The following RHOJ variants were observed in gnomAD, a reference collection of about 807,000 sequenced individuals.
RHOJ encodes rho-related GTP-binding protein RhoJ.
RHOJ carries 11 observed loss-of-function variants against 23.4 expected under a neutral mutation model. The ratio of observed to expected loss-of-function variants is 0.47; its 90% CI spans 0.30 to 0.78. The LOEUF (loss-of-function observed/expected upper bound fraction) is 0.78, where lower values mean the gene tolerates loss of function less well. RHOJ is among the 30% of genes least tolerant of loss of function. RHOJ has a pLI of 0.08. For synonymous variants in RHOJ, 102 were observed against 102.7 expected, an observed-to-expected ratio of 0.99 and a Z score of 0.04; for missense variants, 254 against 273.4, an observed-to-expected ratio of 0.93 and a Z score of 0.50.
Position 63,259,814 on chromosome 14 carries a change from G to A in RHOJ, c.179-9296G>A, listed in dbSNP as rs145339036. 2.3e-3 allele frequency among the ~76,000 whole-genome samples: 353 copies of A among 152,064 alleles called. 2 individuals are homozygous for A. Among genetic ancestry groups the A allele is most frequent in the East Asian group, 6.2e-3 (32 of 5,186 alleles). ...TTTATTTGAAAAGAACCTATGTTTCGTTACCTAAAAAGAACCCATATTCTG... is the reference window on the plus strand; with the variant it reads ...TTTATTTGAAAAGAACCTATGTTTCATTACCTAAAAAGAACCCATATTCTG... On this transcript the variant is annotated intron_variant, in intron 1 of 4. Coordinates refer to ENST00000316754, the MANE Select transcript of RHOJ (RefSeq NM_020663.5).
chr14:63,269,101 C>T lies in RHOJ; in HGVS notation c.179-9C>T. 1 of 1,606,602 alleles carries T rather than the reference C, an allele frequency of 6.2e-7. No homozygotes were observed. ...CTCTCCTCTTCTTTTCTTTTCTCTT[C>T]TCCCCTAGTTACTGTGACTGTGGGA... On this transcript the variant is annotated splice_polypyrimidine_tract_variant and intron_variant, in intron 1 of 4. Coordinates refer to ENST00000316754, the MANE Select transcript of RHOJ (RefSeq NM_020663.5).
At chr14:63,261,588 T>C (rs942629975) in intron 1 of RHOJ, among the ~76,000 whole-genome samples, 1 of 149,656 alleles carries the variant, frequency 6.7e-6, no homozygotes, top group African/African-American at 2.5e-5. Flanking sequence ...CACACCACCA[T>C]GCCCAGCTAA....
At chr14:63,272,141 G>A (rs1031102336) in intron 2 of RHOJ, among the ~76,000 whole-genome samples, 1 of 152,224 alleles carries the variant, frequency 6.6e-6, no homozygotes, top group East Asian at 1.9e-4. Context: ...CTGAGGCATT[G>A]TTCTGAAAGT....
At chr14:63,260,723 G>A (rs768031460) in intron 1 of RHOJ, among the ~76,000 whole-genome samples, 5 of 152,058 alleles carry the variant, frequency 3.3e-5, no homozygotes, top group African/African-American at 4.8e-5. Context: ...AGGCTGCTCC[G>A]TAACTGTTAA....
chr14:63,242,967 G>A (rs1406499861), intron 1 of RHOJ, among the ~76,000 whole-genome samples: 4 of 152,144 alleles, frequency 2.6e-5, no homozygotes, highest in Admixed American at 6.5e-5. Context: ...AATATGTTGT[G>A]TCATCCACAT....
At chr14:63,241,149 G>A (rs1479780730) in intron 1 of RHOJ, among the ~76,000 whole-genome samples, 1 of 152,232 alleles carries the variant, frequency 6.6e-6, no homozygotes. Context: ...CCAGTGCAGT[G>A]GAGGCCACGC....
intron 1 of RHOJ, among the ~76,000 whole-genome samples, chr14:63,211,029 T>C (rs554949957): frequency 6.6e-6 from 1 of 152,316 alleles, no homozygotes; most frequent in East Asian, 1.9e-4. Flanking sequence ...AGAAATCCAG[T>C]TACTCTATCA....
Position 63,231,120 on chromosome 14 carries a change from C to T in RHOJ, c.178+26073C>T, listed in dbSNP as rs1267278520. ...GCCAGGCTGGTCTCAAACTCCTGAC[C>T]TCAGGTGATCTGCCTGCCTCGGCCT... On this transcript the variant is annotated intron_variant, in intron 1 of 4. Transcript: ENST00000316754. Among the ~76,000 whole-genome samples, 4 of 152,264 alleles carry T rather than the reference C, an allele frequency of 2.6e-5. 1 individual carries two copies. In the South Asian group the frequency reaches 6.2e-4, roughly 24 times the overall value.
intron 2 of RHOJ, among the ~76,000 whole-genome samples, chr14:63,273,242 A>T (rs375300905): frequency 2.0e-5 from 3 of 152,218 alleles, no homozygotes; most frequent in African/African-American, 7.2e-5. Context: ...AATTTTTCTC[A>T]GGGTGAGTGC....
At chr14:63,248,306 C>G (rs1417726795) in intron 1 of RHOJ, among the ~76,000 whole-genome samples, 1 of 152,070 alleles carries the variant, frequency 6.6e-6, no homozygotes, top group East Asian at 1.9e-4. Flanking sequence ...ATTTGTAGAG[C>G]TAAAGAAATA....
At chr14:63,228,147 G>C (rs1566610191) in intron 1 of RHOJ, among the ~76,000 whole-genome samples, 1 of 152,182 alleles carries the variant, frequency 6.6e-6, no homozygotes, top group Non-Finnish European at 1.5e-5. Flanking sequence ...AACTTGCGGA[G>C]TTGATACAAG....
intron 1 of RHOJ, among the ~76,000 whole-genome samples, chr14:63,223,494 G>A (rs909321356): frequency 3.3e-5 from 5 of 152,086 alleles, no homozygotes; most frequent in African/African-American, 4.8e-5. Context: ...TTCTCTTACC[G>A]GGAGGTAATT....
intron 1 of RHOJ, among the ~76,000 whole-genome samples, chr14:63,228,665 T>G (rs1017135126): frequency 2.6e-5 from 4 of 151,466 alleles, no homozygotes; most frequent in African/African-American, 9.7e-5. Context: ...AGAAACACAA[T>G]TGCAATGCAC....
At position 63,230,650 on chromosome 14, in the gene RHOJ, CAGT is replaced by C. The variant is rs1007654505; in HGVS notation, c.178+25606_178+25608del. On this transcript the variant is annotated intron_variant, in intron 1 of 4. Coordinates refer to ENST00000316754, the MANE Select transcript of RHOJ (RefSeq NM_020663.5). The stretch of plus-strand genomic sequence containing the variant: ...TCTCCACTCATCTTGCCTTATTTTT[CAGT>C]AGAATTTATCACTATCTAATACATT... 9.6e-4 allele frequency among the ~76,000 whole-genome samples: 146 copies of C among 151,806 alleles called. 1 individual carries two copies. The highest frequency in any genetic ancestry group is 3.2e-3 in the African/African-American group (131 of 41,332).
At chr14:63,266,408 G>A (rs1224490041) in intron 1 of RHOJ, among the ~76,000 whole-genome samples, 3 of 152,148 alleles carry the variant, frequency 2.0e-5, no homozygotes, top group Non-Finnish European at 4.4e-5. Context: ...GTTTACTTTG[G>A]AATGCCCTTA....
At chr14:63,212,771 A>G (rs960166827) in intron 1 of RHOJ, among the ~76,000 whole-genome samples, 1 of 152,178 alleles carries the variant, frequency 6.6e-6, no homozygotes, top group African/African-American at 2.4e-5. Flanking sequence ...AAAACAACCA[A>G]TTCATCTCTT....
At chr14:63,217,456 A>G (rs924082996) in intron 1 of RHOJ, among the ~76,000 whole-genome samples, 6 of 152,096 alleles carry the variant, frequency 3.9e-5, no homozygotes, top group African/African-American at 1.4e-4. Context: ...TCCCTATTTA[A>G]TAAATGGTGC....
rs1894607644 is a variant in RHOJ, at chr14:63,227,065, C to A, written c.178+22018C>A. ...CTCCTGGGTTCAAGCGATTCTCCCACCTCAACCTGCCAAGTAGCTGGGATT... is the reference window on the plus strand; with the variant it reads ...CTCCTGGGTTCAAGCGATTCTCCCAACTCAACCTGCCAAGTAGCTGGGATT... On this transcript the variant is annotated intron_variant, in intron 1 of 4. Coordinates refer to ENST00000316754, the MANE Select transcript of RHOJ (RefSeq NM_020663.5). Among the ~76,000 whole-genome samples, 4 of 152,140 alleles carry A rather than the reference C, an allele frequency of 2.6e-5. 1 individual carries two copies. In the South Asian group the frequency reaches 8.3e-4, roughly 32 times the overall value.
chr14:63,237,513 T>C (rs1454965149), intron 1 of RHOJ, among the ~76,000 whole-genome samples: 2 of 152,194 alleles, frequency 1.3e-5, no homozygotes, highest in African/African-American at 4.8e-5. Flanking sequence ...TCTAAAATCT[T>C]CCTAGCTTCC....
Sources: allele counts gnomAD v4.1 joint callset (sites outside exome capture counted in the v4.1 genomes callset), GRCh38; gene constraint gnomAD v4.1.1; transcripts MANE v1.5; gene names NCBI Gene and HGNC (gene_info 2026-07-23, HGNC 2026-07-21).